PCDHGB2: variants seen among roughly 807,000 people sequenced by gnomAD.
PCDHGB2 encodes the protein protocadherin gamma subfamily B, 2.
Under a neutral mutation model 59.3 loss-of-function variants are expected in PCDHGB2, and 55 were observed. The ratio of observed to expected loss-of-function variants is 0.93; its 90% CI spans 0.75 to 1.16. PCDHGB2 has a LOEUF of 1.16. Ranked by LOEUF, PCDHGB2 falls within the 50% of genes most tolerant of loss-of-function variation. The pLI is 0.00. For synonymous variants in PCDHGB2, 516 were observed against 512.0 expected, an observed-to-expected ratio of 1.01 and a Z score of -0.11; for missense variants, 1,228 against 1,198.5, an observed-to-expected ratio of 1.02 and a Z score of -0.36.
chr5:141,424,055 C>A, intron 1 of PCDHGB2: 2 of 1,007,784 alleles, frequency 2.0e-6, no homozygotes, highest in Non-Finnish European at 1.2e-6. Context: ...TTTTGCTGTG[C>A]CTTCACTGAT....
At chr5:141,421,474 G>A (rs1320526226) in intron 1 of PCDHGB2, 2 of 1,614,014 alleles carry the variant, frequency 1.2e-6, no homozygotes, top group Non-Finnish European at 1.7e-6. Flanking sequence ...TCCGCGAAGC[G>A]GCAGCTTGAT....
rs1362252002 is a variant in PCDHGB2, at chr5:141,486,112, G to C, written c.2422-8695G>C. ...TGGGGCCCCTAGACTTTGAGAGTGA[G>C]AATTACTATGAATTTGATGTGCGGG... On this transcript the variant is annotated intron_variant, in intron 1 of 3. Coordinates refer to ENST00000522605, the MANE Select transcript of PCDHGB2 (RefSeq NM_018923.3). The surrounding 1 kb of genome is among the most constrained non-coding windows in gnomAD (Gnocchi z 5.0). 6 of 1,614,166 alleles carry C rather than the reference G, an allele frequency of 3.7e-6. No individual in the cohort carries two copies. The highest frequency in any genetic ancestry group is 1.7e-6 in the Non-Finnish European group (2 of 1,180,024).
At chr5:141,369,894 T>C (rs1766545420) in intron 1 of PCDHGB2, among the ~76,000 whole-genome samples, 1 of 152,332 alleles carries the variant, frequency 6.6e-6, no homozygotes, top group African/African-American at 2.4e-5. Flanking sequence ...GATATTATTA[T>C]GACCATTTTA....
chr5:141,373,195 T>C (rs1018941457), intron 1 of PCDHGB2, among the ~76,000 whole-genome samples: 1 of 152,262 alleles, frequency 6.6e-6, no homozygotes, highest in African/African-American at 2.4e-5. Context: ...ACATTATGTA[T>C]ATCTTAACAC....
At chr5:141,401,856 T>C (rs778189763) in intron 1 of PCDHGB2, among the ~76,000 whole-genome samples, 2 of 152,228 alleles carry the variant, frequency 1.3e-5, no homozygotes, top group Non-Finnish European at 2.9e-5. Context: ...ACTTTTAACC[T>C]TTCAGTAGTT....
chr5:141,360,660 C>T lies in PCDHGB2; in HGVS notation c.525C>T (p.Asn175=), dbSNP rs530891991. 14 of 1,613,850 alleles carry T rather than the reference C, an allele frequency of 8.7e-6. No individual in the cohort carries two copies. The highest frequency in any genetic ancestry group is 3.3e-5 in the Admixed American group (2 of 60,004). Residue 175 remains asparagine, a synonymous_variant, in exon 1 of 4, where the codon AAC becomes AAT. Coordinates refer to ENST00000522605, the MANE Select transcript of PCDHGB2 (RefSeq NM_018923.3). ...TACAAAGATACCACCTTAATGACAA[C>T]GAGTACTTTGATCTCGCTGAGAAAC... ...NSLQRYHLND[N]EYFDLAEKQT...
chr5:141,448,720 C>T (rs545687728), intron 1 of PCDHGB2, among the ~76,000 whole-genome samples: 24 of 152,030 alleles, frequency 1.6e-4, no homozygotes, highest in African/African-American at 5.8e-4. Flanking sequence ...GCGGGAGGAT[C>T]ACGAGGTCAG....
At chr5:141,475,543 G>A (rs1161883598) in intron 1 of PCDHGB2, among the ~76,000 whole-genome samples, 1 of 152,196 alleles carries the variant, frequency 6.6e-6, no homozygotes, top group African/African-American at 2.4e-5. Flanking sequence ...TACAAGTAGG[G>A]TCCGGCTAAT....
chr5:141,396,295 AG>A (rs1561657375), intron 1 of PCDHGB2: 1 of 151,978 alleles, frequency 6.6e-6, no homozygotes, highest in African/African-American at 2.4e-5. Flanking sequence ...ACTCCAGCCT[AG>A]GTGGCAGAAC....
chr5:141,485,070 G>T lies in PCDHGB2; in HGVS notation c.2422-9737G>T. ...CGCCGGCCGAACCGCGCCAGAGCTG[G>T]CGCGGGGAAAGGGAGATAGGTGTCT... On this transcript the variant is annotated intron_variant, in intron 1 of 3. Coordinates refer to ENST00000522605, the MANE Select transcript of PCDHGB2 (RefSeq NM_018923.3). This position sits in a 1 kb window ranked among gnomAD's most constrained non-coding sequence, Gnocchi z 5.7. 1.1e-6 allele frequency: 1 copy of T among 908,406 alleles called. No individual in the cohort carries two copies. Among genetic ancestry groups the T allele is most frequent in the East Asian group, 2.4e-5 (1 of 41,326 alleles). 56.3% of individuals were successfully genotyped at this position (908,406 alleles called of 1,614,324 possible).
At chr5:141,364,205 A>C (rs1250961446) in intron 1 of PCDHGB2, 2 of 1,159,214 alleles carry the variant, frequency 1.7e-6, no homozygotes, top group African/African-American at 3.1e-5. Flanking sequence ...AGACCAGACA[A>C]GCTCCTACGA....
intron 1 of PCDHGB2, chr5:141,400,483 C>G (rs748464990): frequency 1.4e-5 from 22 of 1,613,902 alleles, no homozygotes; most frequent in Non-Finnish European, 1.7e-5. Context: ...GGCCTTATTT[C>G]CACTTTGTAA....
chr5:141,399,460 G>A, intron 1 of PCDHGB2: 1 of 1,613,962 alleles, frequency 6.2e-7, no homozygotes, highest in Middle Eastern at 1.6e-4. Context: ...CAACGATAAC[G>A]CTCCGGTTTT....
chr5:141,383,253 T>C (rs563605516), intron 1 of PCDHGB2: 4 of 1,613,928 alleles, frequency 2.5e-6, no homozygotes, highest in Middle Eastern at 1.6e-4. Context: ...ATCTTTACCC[T>C]ATAGACGTGG....
intron 1 of PCDHGB2, chr5:141,375,703 G>A (rs776426026): frequency 3.7e-6 from 6 of 1,614,144 alleles, no homozygotes; most frequent in Admixed American, 1.7e-5. Context: ...GCGGGGACCC[G>A]CCTCTTAGCA....
chr5:141,381,823 CTTCTTT>C (rs1777514301), intron 1 of PCDHGB2, among the ~76,000 whole-genome samples: 1 of 101,610 alleles, frequency 9.8e-6, no homozygotes, highest in African/African-American at 4.3e-5. Flanking sequence ...TTTCTTTCTT[CTTCTTT>C]TTTTTTTTTT....
chr5:141,489,943 A>G lies in PCDHGB2; in HGVS notation c.2422-4864A>G. ...CCTTATCTCTGTCATCGTGCTGGAC[A>G]TCAATGATAATGCTCCAACCTTCCA... On this transcript the variant is annotated intron_variant, in intron 1 of 3. Transcript: ENST00000522605. The surrounding 1 kb of genome is among the most constrained non-coding windows in gnomAD (Gnocchi z 4.5). 5.6e-6 allele frequency: 9 copies of G among 1,614,190 alleles called. No homozygotes were observed. Among genetic ancestry groups the G allele is most frequent in the Non-Finnish European group, 7.6e-6 (9 of 1,180,016 alleles).
intron 1 of PCDHGB2, among the ~76,000 whole-genome samples, chr5:141,481,836 G>A (rs1435746995): frequency 2.7e-5 from 4 of 150,638 alleles, no homozygotes; most frequent in Non-Finnish European, 5.9e-5. Context: ...CAGGAGAATC[G>A]CTTGATGGTG....
In PCDHGB2 at chr5:141,431,465, AACG is replaced by A; in HGVS notation, c.2422-63339_2422-63337del. 1.9e-6 allele frequency: 3 copies of A among 1,613,790 alleles called. No homozygotes were observed. The highest frequency in any genetic ancestry group is 2.5e-6 in the Non-Finnish European group (3 of 1,179,970). ...CATCCGCGTGATGGTTCTGGATGCGAACGACAACGCACCAGCGTTTGCTCAGCC... is the reference window on the plus strand; with the variant it reads ...CATCCGCGTGATGGTTCTGGATGCGAACAACGCACCAGCGTTTGCTCAGCC... On this transcript the variant is annotated intron_variant, in intron 1 of 3. Transcript: ENST00000522605. The surrounding 1 kb of genome is among the most constrained non-coding windows in gnomAD (Gnocchi z 4.8).
Sources: gnomAD v4.1 joint callset for allele counts (sites outside exome capture counted in the v4.1 genomes callset) on GRCh38, gnomAD v4.1.1 for gene constraint, Gnocchi (gnomAD v3.1) non-coding constraint, MANE v1.5 for transcripts, NCBI Gene and HGNC (gene_info 2026-07-23, HGNC 2026-07-21) for gene names.